TRPM8: variants seen among roughly 807,000 people sequenced by gnomAD.
TRPM8 encodes TRPM8 cationic channel.
A neutral mutation model predicts 133.7 loss-of-function variants in TRPM8; 110 were observed. That is an observed-to-expected ratio of 0.82 (90% CI 0.70 to 0.96). The LOEUF (loss-of-function observed/expected upper bound fraction) is 0.96, where lower values mean the gene tolerates loss of function less well. Among genes scored for constraint, TRPM8 ranks in the 40% least tolerant of loss-of-function variants. TRPM8 has a pLI of 0.00. For missense variants in TRPM8, 1,291 were observed against 1,379.5 expected (o/e 0.94, Z 1.02); for synonymous variants, 535 against 532.3 (o/e 1.01, Z -0.07).
At chr2:233,988,621 T>C in intron 21 of TRPM8, among the ~76,000 whole-genome samples, 1 of 152,192 alleles carries the variant, frequency 6.6e-6, no homozygotes, top group East Asian at 1.9e-4. Context: ...TGTAAAGGTT[T>C]AACATCTGCT....
chr2:233,971,598 C>T (rs555688495), intron 17 of TRPM8, among the ~76,000 whole-genome samples: 9 of 152,108 alleles, frequency 5.9e-5, no homozygotes, highest in Admixed American at 2.0e-4. Context: ...AGAATGAAGC[C>T]GCGGACCCTT....
At chr2:233,930,634 T>C in intron 2 of TRPM8, 34 bp from the exon 3 acceptor site, 1 of 1,425,532 alleles carries the variant, frequency 7.0e-7, no homozygotes, top group Non-Finnish European at 9.8e-7. Context: ...GAGAATAAAT[T>C]AGTAATGTGT....
intron 2 of TRPM8, among the ~76,000 whole-genome samples, chr2:233,927,224 C>T (rs1321606960): frequency 2.0e-5 from 3 of 152,168 alleles, no homozygotes; most frequent in Admixed American, 6.5e-5. Flanking sequence ...GTCGGGATAG[C>T]GGCTAGCTTT....
In TRPM8 at chr2:233,989,301, C is replaced by T. The variant is rs1033220500; in HGVS notation, c.2939+3436C>T. On this transcript the variant is annotated intron_variant, in intron 21 of 25. Transcript: ENST00000324695. The surrounding 1 kb of genome is among the most constrained non-coding windows in gnomAD (Gnocchi z 4.2). ...GTCCCAGCAGCTCAGCGTCTGTGGT[C>T]CTGGCCGCGCGTTATCTGGCTTAAC... Among the ~76,000 whole-genome samples, 1 of 152,208 alleles carries T rather than the reference C, an allele frequency of 6.6e-6. No homozygotes were observed. Among genetic ancestry groups the T allele is most frequent in the South Asian group, 2.1e-4 (1 of 4,836 alleles).
At chr2:234,008,664 T>C (rs1035140807) in intron 24 of TRPM8, among the ~76,000 whole-genome samples, 1 of 152,190 alleles carries the variant, frequency 6.6e-6, no homozygotes, top group Non-Finnish European at 1.5e-5. Flanking sequence ...TTTGGTATTC[T>C]ATCACGTTAG....
At chr2:233,946,162 A>C in intron 7 of TRPM8, 132 bp downstream of exon 7, 1 of 896,418 alleles carries the variant, frequency 1.1e-6, no homozygotes, top group South Asian at 1.8e-5. Flanking sequence ...TTGCCAAAGA[A>C]CTGTTATTTC....
intron 21 of TRPM8, among the ~76,000 whole-genome samples, chr2:233,992,852 G>T (rs1177774996): frequency 6.6e-6 from 1 of 152,154 alleles, no homozygotes; most frequent in Admixed American, 6.5e-5. Flanking sequence ...TTGCTGAGGG[G>T]GTGTGCACGT....
intron 5 of TRPM8, among the ~76,000 whole-genome samples, chr2:233,942,307 T>A (rs1264353874): frequency 2.0e-5 from 3 of 152,148 alleles, no homozygotes; most frequent in Non-Finnish European, 4.4e-5. Context: ...CATGAACTCC[T>A]GACCTCGTGA....
chr2:233,967,475 G>C (rs1340941229), intron 15 of TRPM8, among the ~76,000 whole-genome samples: 1 of 152,170 alleles, frequency 6.6e-6, no homozygotes, highest in Admixed American at 6.5e-5. Flanking sequence ...AGCACCTGTG[G>C]GGATGGGTGC....
chr2:233,947,811 G>T (rs1321152457), intron 8 of TRPM8, among the ~76,000 whole-genome samples: 1 of 151,972 alleles, frequency 6.6e-6, no homozygotes, highest in Non-Finnish European at 1.5e-5. Flanking sequence ...TTATTTATTT[G>T]TTTTTAACTT....
chr2:233,942,923 A>C, intron 6 of TRPM8, 175 bp downstream of exon 6: 20 of 664,794 alleles, frequency 3.0e-5, no homozygotes, highest in Non-Finnish European at 5.3e-5. Context: ...TGACGTACCT[A>C]ATTAACTGCT....
chr2:234,017,183 A>G, intron 25 of TRPM8, 116 bp from the exon 26 acceptor site: 2 of 363,804 alleles, frequency 5.5e-6, no homozygotes, highest in South Asian at 4.3e-5. Flanking sequence ...CTTTGGTGGT[A>G]TATTTGGATC....
chr2:233,933,943 G>C (rs2125064972), intron 3 of TRPM8: 1 of 167,248 alleles, frequency 6.0e-6, no homozygotes, highest in Middle Eastern at 3.4e-3. Flanking sequence ...CCTGGGAACT[G>C]TTCCAAAACA....
At chr2:234,000,823 C>T (rs141091278) in intron 22 of TRPM8, among the ~76,000 whole-genome samples, 93 of 152,196 alleles carry the variant, frequency 6.1e-4, no homozygotes, top group East Asian at 1.2e-3. Flanking sequence ...GGATTACAGG[C>T]GTGCACCACC....
intron 1 of TRPM8, among the ~76,000 whole-genome samples, chr2:233,920,856 T>C (rs1429864141): frequency 1.1e-5 from 1 of 91,764 alleles, no homozygotes; most frequent in East Asian, 7.5e-4. Flanking sequence ...GATTTCACCA[T>C]TTTTTTTTTT....
chr2:234,000,012 G>T (rs1163694860), intron 22 of TRPM8, among the ~76,000 whole-genome samples: 2 of 150,962 alleles, frequency 1.3e-5, no homozygotes, highest in Admixed American at 6.6e-5. Context: ...TGAAGATCGT[G>T]TATGTTTTCC....
At chr2:234,009,770 G>C (rs936506651) in intron 24 of TRPM8, among the ~76,000 whole-genome samples, 3 of 151,882 alleles carry the variant, frequency 2.0e-5, no homozygotes, top group Non-Finnish European at 2.9e-5. Flanking sequence ...ATAATCTTTT[G>C]TTTCTCAAGA....
rs184923045 is a variant in TRPM8 at position 233,989,307 on chromosome 2, C to A, written c.2939+3442C>A. 1.3e-5 allele frequency among the ~76,000 whole-genome samples: 2 copies of A among 152,172 alleles called. No homozygotes were observed. Among genetic ancestry groups the A allele is most frequent in the African/African-American group, 4.8e-5 (2 of 41,442 alleles). The stretch of plus-strand genomic sequence containing the variant: ...GCAGCTCAGCGTCTGTGGTCCTGGC[C>A]GCGCGTTATCTGGCTTAACTCAGGT... On this transcript the variant is annotated intron_variant, in intron 21 of 25. Coordinates refer to ENST00000324695, the MANE Select transcript of TRPM8 (RefSeq NM_024080.5). The surrounding 1 kb of genome is among the most constrained non-coding windows in gnomAD (Gnocchi z 4.2).
At chr2:234,010,368 T>C (rs145983783) in intron 24 of TRPM8, among the ~76,000 whole-genome samples, 48 of 152,370 alleles carry the variant, frequency 3.2e-4, no homozygotes, top group Non-Finnish European at 5.3e-4. Context: ...CACATTTTCT[T>C]TATCCATTGA....
Sources: allele counts gnomAD v4.1 joint callset (sites outside exome capture counted in the v4.1 genomes callset), GRCh38; gene constraint gnomAD v4.1.1; non-coding constraint Gnocchi (gnomAD v3.1); transcripts MANE v1.5; gene names NCBI Gene and HGNC (gene_info 2026-07-23, HGNC 2026-07-21).